SLC9A9: variants seen among roughly 807,000 people sequenced by gnomAD.
SLC9A9 encodes the protein solute carrier family 9 member A9.
SLC9A9 carries 62 observed loss-of-function variants against 77.8 expected under a neutral mutation model. That is an observed-to-expected ratio of 0.80 (90% CI 0.65 to 0.98). The LOEUF (loss-of-function observed/expected upper bound fraction) is 0.98. Among genes scored for constraint, SLC9A9 ranks in the 50% least tolerant of loss-of-function variants. The pLI is 0.00. For synonymous variants in SLC9A9, 320 were observed against 283.5 expected, an observed-to-expected ratio of 1.13 and a Z score of -1.29; for missense variants, 775 against 774.9, an observed-to-expected ratio of 1.00 and a Z score of 0.00.
chr3:143,552,542 T>C, intron 8 of SLC9A9, 92 bp from the exon 9 acceptor site: 1 of 1,058,650 alleles, frequency 9.4e-7, no homozygotes, highest in South Asian at 1.3e-5. Context: ...ATAGACTTGG[T>C]GTCAGTAGAG....
chr3:143,432,463 A>G (rs141059723), intron 12 of SLC9A9, among the ~76,000 whole-genome samples: 241 of 152,282 alleles, frequency 1.6e-3, no homozygotes, highest in Non-Finnish European at 2.1e-3. Context: ...CTGAAAAACT[A>G]TCTCATTACA....
At chr3:143,768,045 T>C (rs1361127099) in intron 4 of SLC9A9, among the ~76,000 whole-genome samples, 2 of 152,158 alleles carry the variant, frequency 1.3e-5, no homozygotes, top group African/African-American at 4.8e-5. Context: ...ACTACTCCCT[T>C]TGCCCTTCCA....
chr3:143,648,262 C>T (rs950875677), intron 6 of SLC9A9, among the ~76,000 whole-genome samples: 10 of 152,200 alleles, frequency 6.6e-5, no homozygotes. Flanking sequence ...CAGCAGTCCC[C>T]AGACTTTTCG....
At chr3:143,409,862 C>A (rs576806479) in intron 12 of SLC9A9, among the ~76,000 whole-genome samples, 74 of 152,226 alleles carry the variant, frequency 4.9e-4, no homozygotes, top group African/African-American at 1.7e-3. Context: ...TGATGTGTTG[C>A]TGGGGTTCTG....
chr3:143,539,752 T>A (rs2036653989), intron 9 of SLC9A9, among the ~76,000 whole-genome samples: 1 of 152,168 alleles, frequency 6.6e-6, no homozygotes, highest in African/African-American at 2.4e-5. Context: ...ATCTCCTAAA[T>A]TCCATTCATA....
At chr3:143,817,688 A>T (rs914687663) in intron 2 of SLC9A9, among the ~76,000 whole-genome samples, 1 of 152,174 alleles carries the variant, frequency 6.6e-6, no homozygotes, top group Admixed American at 6.5e-5. Flanking sequence ...AGGAAAATTC[A>T]TAGGTATTTG....
In SLC9A9 at chr3:143,578,599, T is replaced by A; in HGVS notation, c.880A>T (p.Ile294Phe). Reference protein sequence around the residue: ...GSFAMGSAYAIITALLTKFTK... With the variant: ...GSFAMGSAYAFITALLTKFTK... ...ACAAAGGATATCAGTGCTGTGATGA[T>A]GGCATACGCAGACCCCATTGCAAAT... The change falls in exon 7 of 16, where the codon ATC becomes TTC. Residue 294 changes from isoleucine (I) to phenylalanine (F), a missense_variant. Ile to Phe is a conservative substitution (Grantham distance 21). Transcript: ENST00000316549. 1 of 1,614,018 alleles carries A rather than the reference T, an allele frequency of 6.2e-7. No individual in the cohort carries two copies. Among genetic ancestry groups the A allele is most frequent in the East Asian group, 2.2e-5 (1 of 44,882 alleles).
intron 12 of SLC9A9, among the ~76,000 whole-genome samples, chr3:143,440,710 G>A (rs945158394): frequency 2.6e-5 from 4 of 152,226 alleles, no homozygotes; most frequent in African/African-American, 9.6e-5. Context: ...TCTCTTTGAT[G>A]TGAAATTACA....
chr3:143,428,061 C>A (rs764942447), intron 12 of SLC9A9, among the ~76,000 whole-genome samples: 7 of 152,034 alleles, frequency 4.6e-5, no homozygotes, highest in Non-Finnish European at 1.0e-4. Context: ...GCACAGACAA[C>A]GAAACTAAAA....
intron 6 of SLC9A9, among the ~76,000 whole-genome samples, chr3:143,597,244 G>T (rs1208153567): frequency 6.6e-6 from 1 of 152,152 alleles, no homozygotes; most frequent in Non-Finnish European, 1.5e-5. Context: ...TCTGTAAAAG[G>T]TATAACTGTC....
chr3:143,692,318 A>T (rs1933495586), intron 5 of SLC9A9, among the ~76,000 whole-genome samples: 1 of 152,226 alleles, frequency 6.6e-6, no homozygotes, highest in Non-Finnish European at 1.5e-5. Context: ...TGACAATAAG[A>T]CAATTAGGAA....
At chr3:143,584,037 G>A (rs1290781735) in intron 6 of SLC9A9, among the ~76,000 whole-genome samples, 1 of 152,172 alleles carries the variant, frequency 6.6e-6, no homozygotes, top group Non-Finnish European at 1.5e-5. Flanking sequence ...GAGATGTTGT[G>A]AGTGAAATGC....
chr3:143,482,770 C>T (rs192958578), intron 11 of SLC9A9, among the ~76,000 whole-genome samples: 303 of 152,348 alleles, frequency 2.0e-3, no homozygotes, highest in African/African-American at 7.0e-3. Context: ...TTGTAATATG[C>T]ACCACATCAA....
At chr3:143,461,231 T>G (rs1255432403) in intron 12 of SLC9A9, among the ~76,000 whole-genome samples, 1 of 152,222 alleles carries the variant, frequency 6.6e-6, no homozygotes, top group East Asian at 1.9e-4. Flanking sequence ...TAATCCTTTT[T>G]GTGAGCATTT....
chr3:143,818,507 A>G (rs1031757824), intron 2 of SLC9A9, among the ~76,000 whole-genome samples: 1 of 151,990 alleles, frequency 6.6e-6, no homozygotes, highest in Non-Finnish European at 1.5e-5. Context: ...GGGTTTCACC[A>G]TGTTGGCCAG....
At chr3:143,353,851 A>G (rs1250606471) in intron 14 of SLC9A9, among the ~76,000 whole-genome samples, 1 of 152,214 alleles carries the variant, frequency 6.6e-6, no homozygotes, top group Non-Finnish European at 1.5e-5. Flanking sequence ...CTGGGGGAAG[A>G]AATATGAAAA....
At chr3:143,389,179 T>G (rs1184689479) in intron 12 of SLC9A9, among the ~76,000 whole-genome samples, 2 of 152,118 alleles carry the variant, frequency 1.3e-5, no homozygotes, top group Non-Finnish European at 1.5e-5. Flanking sequence ...GTGAAATAAT[T>G]ACATTTATGT....
intron 14 of SLC9A9, among the ~76,000 whole-genome samples, chr3:143,270,792 A>T (rs1454262049): frequency 6.6e-6 from 1 of 152,232 alleles, no homozygotes; most frequent in African/African-American, 2.4e-5. Flanking sequence ...GTAAAATATA[A>T]GTTTAGGATT....
At chr3:143,736,065 A>G (rs1409983814) in intron 4 of SLC9A9, among the ~76,000 whole-genome samples, 1 of 152,204 alleles carries the variant, frequency 6.6e-6, no homozygotes, top group East Asian at 1.9e-4. Context: ...ATAGAAATCC[A>G]TACCCTTGTA....
Sources: gnomAD v4.1 joint callset for allele counts (sites outside exome capture counted in the v4.1 genomes callset) on GRCh38, gnomAD v4.1.1 for gene constraint, MANE v1.5 for transcripts, NCBI Gene and HGNC (gene_info 2026-07-23, HGNC 2026-07-21) for gene names.